Variants in ASAH1 observed in about 807,000 individuals in gnomAD.
ASAH1 encodes N-acylsphingosine amidohydrolase 1, also known as acid ceramidase.
A neutral mutation model predicts 59.5 loss-of-function variants in ASAH1; 70 were observed. The ratio of observed to expected loss-of-function variants is 1.18; its 90% CI spans 0.97 to 1.43. ASAH1 has a LOEUF of 1.43. Among genes scored for constraint, ASAH1 ranks in the 40% most tolerant of loss-of-function variants. ASAH1 has a pLI of 0.00. For synonymous variants in ASAH1, 213 were observed against 166.5 expected (o/e 1.28, Z -2.15); for missense variants, 660 against 482.5 (o/e 1.37, Z -3.45).
rs774272794 is a variant in ASAH1 at position 18,063,172 on chromosome 8, G to C, written c.503+13C>G. ...CGTGAACCACCATGCCTGACCCTTTGTTCTTTACTTACCCAAGAAATACTC... is the reference window on the plus strand; with the variant it reads ...CGTGAACCACCATGCCTGACCCTTTCTTCTTTACTTACCCAAGAAATACTC... On this transcript the variant is annotated intron_variant, in intron 7 of 13. Transcript: ENST00000637790. 1 of 1,613,178 alleles carries C rather than the reference G, an allele frequency of 6.2e-7. No homozygotes were observed. The highest frequency in any genetic ancestry group is 8.5e-7 in the Non-Finnish European group (1 of 1,179,360).
chr8:18,067,088 A>C, intron 5 of ASAH1, 132 bp downstream of exon 5: 3 of 160,664 alleles, frequency 1.9e-5, no homozygotes, highest in Non-Finnish European at 5.4e-5. Context: ...TGAGCTGTAT[A>C]TCTAAGACCT....
chr8:18,075,683 A>T, intron 1 of ASAH1, 96 bp from the exon 2 acceptor site: 4 of 1,103,696 alleles, frequency 3.6e-6, no homozygotes, highest in African/African-American at 1.5e-5. Context: ...GACAACATCA[A>T]GTCTGATATT....
At chr8:18,069,374 G>C (rs917932503) in intron 4 of ASAH1, 1 of 170,282 alleles carries the variant, frequency 5.9e-6, no homozygotes, top group Non-Finnish European at 1.3e-5. Context: ...GAGTTTCAGG[G>C]TCAGAGCTAC....
intron 10 of ASAH1, 160 bp from the exon 11 acceptor site, chr8:18,059,863 T>A: frequency 1.5e-6 from 1 of 656,766 alleles, no homozygotes; most frequent in Admixed American, 2.9e-5. Context: ...GCTGCACCCA[T>A]CAACCCATCA....
chr8:18,073,015 A>G (rs1248413639), intron 2 of ASAH1, among the ~76,000 whole-genome samples: 1 of 152,176 alleles, frequency 6.6e-6, no homozygotes, highest in Middle Eastern at 3.2e-3. Flanking sequence ...TGAACACAAC[A>G]CAACGGACAA....
At position 18,071,353 on chromosome 8, in the gene ASAH1, C is replaced by A; in HGVS notation, c.163G>T (p.Asp55Tyr). Residue 55 changes from aspartate to tyrosine, a missense_variant, in exon 3 of 14, where the codon GAC becomes TAC. Asp to Tyr is a radical substitution (Grantham distance 160). Coordinates refer to ENST00000637790, the MANE Select transcript of ASAH1 (RefSeq NM_177924.5). ...TGCCATCTTTTGTAGGGTGGTAAGT[C>A]AAGATTTATGGTGTACCATGGAACT... is the stretch of plus-strand genomic sequence containing the variant. ...GAVPWYTINL[D>Y]LPPYKRWHEL... 1 of 1,604,078 alleles carries A rather than the reference C, an allele frequency of 6.2e-7. No individual in the cohort carries two copies. The highest frequency in any genetic ancestry group is 1.1e-5 in the South Asian group (1 of 89,628).
At chr8:18,078,318 G>A (rs1027179894) in intron 1 of ASAH1, among the ~76,000 whole-genome samples, 1 of 152,100 alleles carries the variant, frequency 6.6e-6, no homozygotes, top group Non-Finnish European at 1.5e-5. Context: ...TGCCCCAGAG[G>A]TAAGAACTAA....
intron 6 of ASAH1, 26 bp from the exon 7 acceptor site, chr8:18,063,256 G>C: frequency 6.3e-7 from 1 of 1,580,638 alleles, no homozygotes; most frequent in Non-Finnish European, 8.7e-7. Context: ...CAGAAGAGAC[G>C]TGTAATAGCA....
intron 5 of ASAH1, 99 bp downstream of exon 5, chr8:18,067,121 A>AGACATACAGCACCTGTGCTGTATATCTAT: frequency 1.8e-6 from 1 of 543,234 alleles, no homozygotes; most frequent in Non-Finnish European, 2.5e-6. Context: ...TGTATATCTA[A>AGACATACAGCACCTGTGCTGTATATCTAT]GACATACAGC....
At chr8:18,076,439 T>A (rs963680236) in intron 1 of ASAH1, 9 of 152,204 alleles carry the variant, frequency 5.9e-5, no homozygotes, top group Admixed American at 2.0e-4. Flanking sequence ...AACAGACTCT[T>A]TTAGGGGAAG....
intron 6 of ASAH1, chr8:18,063,433 A>G (rs1224865760): frequency 3.7e-6 from 2 of 545,248 alleles, no homozygotes; most frequent in Admixed American, 5.8e-5. Context: ...CCTTCCACGT[A>G]GTTGGGATTA....
intron 7 of ASAH1, 32 bp from the exon 8 acceptor site, chr8:18,062,455 AAACACAGTGATAGTAATG>A: frequency 6.2e-7 from 1 of 1,612,218 alleles, no homozygotes; most frequent in Non-Finnish European, 8.5e-7. Flanking sequence ...GACATTTCAG[AAACACAGTGATAGTAATG>A]ATCAACATGA....
At chr8:18,084,595 C>G, upstream of ASAH1, 1 of 1,593,222 alleles carries the variant, frequency 6.3e-7, no homozygotes, top group Non-Finnish European at 8.6e-7. Context: ...ACCGCGGAGT[C>G]AGGGACAAGG....
Position 18,064,458 on chromosome 8 carries a change from T to C in ASAH1, c.456A>G (p.Lys152=), listed in dbSNP as rs200455852. ...ICTSIVAEDK[K]GHLIHGRNMD... ...CACCCTCCCTCAGCGCACAATTACC[T>C]TTTTTGTCTTCTGCTACTATTGAAG... Residue 152 remains lysine, a splice_region_variant and synonymous_variant, in exon 6 of 14, where the codon AAA becomes AAG. Coordinates refer to ENST00000637790, the MANE Select transcript of ASAH1 (RefSeq NM_177924.5). 1.9e-6 allele frequency: 3 copies of C among 1,553,662 alleles called. No individual in the cohort carries two copies. Among genetic ancestry groups the C allele is most frequent in the Non-Finnish European group, 2.7e-6 (3 of 1,127,014 alleles).
chr8:18,082,717 T>C (rs1800706401), intron 1 of ASAH1: 1 of 152,092 alleles, frequency 6.6e-6, no homozygotes. Context: ...TAACCTACCG[T>C]CCGTCGCTCA....
chr8:18,076,897 C>G (rs1800424824), intron 1 of ASAH1, among the ~76,000 whole-genome samples: 2 of 152,232 alleles, frequency 1.3e-5, no homozygotes, highest in Admixed American at 6.5e-5. Context: ...TCAAATTTGC[C>G]TTACCACACT....
chr8:18,084,938 G>C (rs907969000), upstream of ASAH1: 21 of 1,302,110 alleles, frequency 1.6e-5, no homozygotes, highest in Non-Finnish European at 2.2e-5. Context: ...ACAGTCGCGC[G>C]GGTAGGTGAC....
At position 18,061,682 on chromosome 8, in the gene ASAH1, T is replaced by C; in HGVS notation, c.703+4A>G. The C allele has an allele frequency of 6.3e-7, 1 of 1,584,966 alleles. No individual in the cohort carries two copies. The highest frequency in any genetic ancestry group is 8.6e-7 in the Non-Finnish European group (1 of 1,163,462). ...CCCATTTCACTTGAGAATGCTCTAC[T>C]TACCCAGATAACCACCATTTATACT... On this transcript the variant is annotated splice_donor_region_variant and intron_variant, in intron 9 of 13. Transcript: ENST00000637790.
intron 1 of ASAH1, among the ~76,000 whole-genome samples, chr8:18,077,309 C>T (rs942369571): frequency 2.0e-5 from 3 of 152,338 alleles, no homozygotes; most frequent in African/African-American, 4.8e-5. Context: ...TTAAACACCT[C>T]GCATGTTCAC....
Sources: allele counts gnomAD v4.1 joint callset (sites outside exome capture counted in the v4.1 genomes callset), GRCh38; gene constraint gnomAD v4.1.1; transcripts MANE v1.5; gene names NCBI Gene and HGNC (gene_info 2026-07-23, HGNC 2026-07-21).